The following SUPT16H variants were observed in gnomAD, a reference collection of about 807,000 sequenced individuals.
SUPT16H encodes the protein FACT complex subunit SPT16.
SUPT16H carries 24 observed loss-of-function variants against 136.2 expected under a neutral mutation model. The observed-to-expected ratio is 0.18, with a 90% CI of 0.13 to 0.25. The LOEUF (loss-of-function observed/expected upper bound fraction) is 0.25. SUPT16H is among the 10% of genes least tolerant of loss of function. SUPT16H has a pLI of 1.00. For synonymous variants in SUPT16H, 415 were observed against 428.2 expected (o/e 0.97, Z 0.38); for missense variants, 623 against 1,270.2 (o/e 0.49, Z 7.74).
chr14:21,362,068 A>C lies in SUPT16H; in HGVS notation c.1793+129T>G, dbSNP rs1461890800. The C allele has an allele frequency of 2.6e-6, 3 of 1,168,434 alleles. No individual in the cohort carries two copies. The African/African-American group carries it at 4.7e-5, about 18-fold the overall frequency. The allele number at this position is 1,168,434 out of a possible 1,614,324, so 72.4% of individuals were successfully genotyped here. A position where few individuals can be genotyped will look rare whatever the true frequency, so the allele number is the denominator to read the frequency against. The stretch of plus-strand genomic sequence containing the variant: ...AGTACAAAGTCAAGAAGGCGATCCG[A>C]AACAAGTACCAATGAGGAAGGCTTT... On this transcript the variant is annotated intron_variant, in intron 15 of 25. Transcript: ENST00000216297.
chr14:21,383,507 G>C (rs568173878), intron 1 of SUPT16H: 4 of 630,452 alleles, frequency 6.3e-6, no homozygotes, highest in Admixed American at 2.5e-5. Context: ...TGGAGGGACA[G>C]AGCGAGTGCG....
Position 21,363,154 on chromosome 14 carries a change from T to A in SUPT16H, c.1396-5A>T, listed in dbSNP as rs1252374710. On this transcript the variant is annotated splice_polypyrimidine_tract_variant and splice_region_variant and intron_variant, in intron 12 of 25. Transcript: ENST00000216297. ...CTCTTCTGCAGTCATTTCATTCTGG[T>A]GAATGGAAAATCCAATTTATCACAA... is the stretch of plus-strand genomic sequence containing the variant. 3.7e-5 allele frequency: 59 copies of A among 1,613,776 alleles called. No homozygotes were observed. The highest frequency in any genetic ancestry group is 4.7e-5 in the Non-Finnish European group (56 of 1,180,030).
chr14:21,358,672 T>C (rs1489381097), intron 19 of SUPT16H, among the ~76,000 whole-genome samples: 1 of 152,206 alleles, frequency 6.6e-6, no homozygotes, highest in South Asian at 2.1e-4. Context: ...AACATGTACA[T>C]ACACCTTTAA....
chr14:21,365,715 GA>G (rs1886650251), intron 8 of SUPT16H, among the ~76,000 whole-genome samples: 1 of 151,856 alleles, frequency 6.6e-6, no homozygotes, highest in South Asian at 2.1e-4. Flanking sequence ...ATACATTTGA[GA>G]AATGTATAAA....
intron 22 of SUPT16H, among the ~76,000 whole-genome samples, chr14:21,356,430 C>T (rs1346121939): frequency 2.6e-5 from 4 of 152,156 alleles, no homozygotes. Context: ...AAGAGTATTG[C>T]CTCGTAGTAA....
At chr14:21,373,272 CA>C in intron 2 of SUPT16H, 65 bp downstream of exon 2, 4 of 1,248,372 alleles carry the variant, frequency 3.2e-6, no homozygotes, top group Non-Finnish European at 4.7e-6. Flanking sequence ...ATGTGGCTAC[CA>C]TACTGAACAG....
intron 7 of SUPT16H, among the ~76,000 whole-genome samples, chr14:21,367,262 A>G (rs2139407962): frequency 6.6e-6 from 1 of 152,346 alleles, no homozygotes; most frequent in Admixed American, 6.5e-5. Context: ...CTATTTGAGA[A>G]TCACTGATCT....
intron 22 of SUPT16H, among the ~76,000 whole-genome samples, chr14:21,356,909 CT>C (rs1477720861): frequency 6.6e-6 from 1 of 152,196 alleles, no homozygotes; most frequent in Non-Finnish European, 1.5e-5. Flanking sequence ...GGGAGGATCG[CT>C]TGAGCCCAGG....
intron 1 of SUPT16H, among the ~76,000 whole-genome samples, chr14:21,377,896 T>C (rs1886938445): frequency 6.6e-6 from 1 of 152,222 alleles, no homozygotes; most frequent in Non-Finnish European, 1.5e-5. Flanking sequence ...AATGCTGATA[T>C]TACAGGCGTG....
At chr14:21,369,692 T>C (rs1039894447) in intron 5 of SUPT16H, 58 bp downstream of exon 5, 7 of 1,600,584 alleles carry the variant, frequency 4.4e-6, no homozygotes, top group Non-Finnish European at 6.0e-6. Flanking sequence ...CAGATTTGCA[T>C]GGTAGACTTA....
chr14:21,367,744 G>A (rs946817230), intron 7 of SUPT16H, among the ~76,000 whole-genome samples: 7 of 152,174 alleles, frequency 4.6e-5, no homozygotes, highest in Non-Finnish European at 7.3e-5. Context: ...AAGTCAGAGA[G>A]GTTTCTATAA....
chr14:21,358,606 A>T (rs546883540), intron 19 of SUPT16H, among the ~76,000 whole-genome samples, 179 bp from the exon 20 acceptor site: 1 of 152,204 alleles, frequency 6.6e-6, no homozygotes, highest in Admixed American at 6.5e-5. Flanking sequence ...GGTTTGCTGC[A>T]CAGATCATCC....
rs1234908426 is a variant in SUPT16H at position 21,366,450 on chromosome 14, G to A, written c.1035C>T (p.Thr345=). The change falls in exon 8 of 26, where the codon ACC becomes ACT. Residue 345 remains threonine (T), a synonymous_variant. Coordinates refer to ENST00000216297, the MANE Select transcript of SUPT16H (RefSeq NM_007192.4). ...KQKPELLNKI[T]KNLGFGMGIE... ...ACATCATGGCATACCCTAGGTTTTT[G>A]GTAATTTTGTTCAGCAGTTCTGGCT... is the stretch of plus-strand genomic sequence containing the variant. 1.2e-6 allele frequency: 2 copies of A among 1,613,796 alleles called. No individual in the cohort carries two copies. The highest frequency in any genetic ancestry group is 2.2e-5 in the South Asian group (2 of 91,028).
intron 1 of SUPT16H, among the ~76,000 whole-genome samples, chr14:21,379,881 A>AACACAAACAAAC (rs1408649239): frequency 1.3e-5 from 2 of 149,426 alleles, no homozygotes; most frequent in African/African-American, 5.0e-5. Flanking sequence ...TGAAACTCAA[A>AACACAAACAAAC]AAACAAACAA....
At chr14:21,383,310 GTAA>G in intron 1 of SUPT16H, 1 of 360,940 alleles carries the variant, frequency 2.8e-6, no homozygotes, top group East Asian at 4.5e-5. Context: ...GTCCCTCTCT[GTAA>G]CCCACAGCAG....
intron 3 of SUPT16H, 41 bp from the exon 4 acceptor site, chr14:21,370,529 C>T: frequency 6.2e-7 from 1 of 1,604,830 alleles, no homozygotes; most frequent in Non-Finnish European, 8.5e-7. Context: ...TATGTTTTAC[C>T]AGTTCATTAG....
Position 21,358,302 on chromosome 14 carries a change from TA to T in SUPT16H, c.2414+12del. On this transcript the variant is annotated intron_variant, in intron 20 of 25. Transcript: ENST00000216297. ...GACCAGTCAAACTTCAAGCCAAAAATAAGATAGGTTACCCCAAGTCCCTAAA... is the reference window on the plus strand; with the variant it reads ...GACCAGTCAAACTTCAAGCCAAAAATAGATAGGTTACCCCAAGTCCCTAAA... The T allele has an allele frequency of 6.4e-7, 1 of 1,552,624 alleles. No individual in the cohort carries two copies. Among genetic ancestry groups the T allele is most frequent in the South Asian group, 1.2e-5 (1 of 85,466 alleles).
At chr14:21,365,211 T>G (rs192020373) in intron 8 of SUPT16H, 68 bp from the exon 9 acceptor site, 1 of 1,399,048 alleles carries the variant, frequency 7.1e-7, no homozygotes, top group African/African-American at 1.4e-5. Flanking sequence ...CATAACATAT[T>G]CATTTCAACT....
intron 7 of SUPT16H, 61 bp from the exon 8 acceptor site, chr14:21,366,590 T>C (rs558803719): frequency 1.7e-4 from 263 of 1,513,752 alleles, no homozygotes; most frequent in Non-Finnish European, 2.1e-4. Context: ...TCAGTAACAT[T>C]TTAAAATCAA....
Sources: gnomAD v4.1 joint callset for allele counts (sites outside exome capture counted in the v4.1 genomes callset) on GRCh38, gnomAD v4.1.1 for gene constraint, MANE v1.5 for transcripts, NCBI Gene and HGNC (gene_info 2026-07-23, HGNC 2026-07-21) for gene names.